Variants in RYR2 observed in about 807,000 individuals in gnomAD.
The protein encoded by RYR2 is cardiac muscle ryanodine receptor-calcium release channel.
RYR2 carries 227 observed loss-of-function variants against 601.1 expected under a neutral mutation model. The observed-to-expected ratio is 0.38, with a 90% CI of 0.34 to 0.42. The LOEUF is 0.42. Ranked by LOEUF, RYR2 falls within the 10% of genes least tolerant of loss-of-function variation. RYR2 has a pLI of 1.00. For missense variants in RYR2, 4,646 were observed against 6,156.5 expected (o/e 0.75, Z 8.21); for synonymous variants, 2,223 against 2,175.1 (o/e 1.02, Z -0.61).
chr1:237,493,899 A>C (rs533263246), intron 19 of RYR2, among the ~76,000 whole-genome samples: 1 of 152,308 alleles, frequency 6.6e-6, no homozygotes, highest in African/African-American at 2.4e-5. Context: ...ACCATGTGCC[A>C]GCTGTGGCGC....
intron 50 of RYR2, among the ~76,000 whole-genome samples, chr1:237,650,431 G>A (rs1196017226): frequency 1.3e-5 from 2 of 152,146 alleles, no homozygotes; most frequent in Admixed American, 6.5e-5. Flanking sequence ...CTCCCCTTTT[G>A]ACTGTGTTTG....
At chr1:237,348,016 G>A (rs1465960024) in intron 3 of RYR2, among the ~76,000 whole-genome samples, 1 of 152,114 alleles carries the variant, frequency 6.6e-6, no homozygotes, top group Non-Finnish European at 1.5e-5. Context: ...TAAGGCAGAG[G>A]AGCCTGCAAA....
chr1:237,054,628 CT>C (rs1661746695), intron 1 of RYR2, among the ~76,000 whole-genome samples: 1 of 152,128 alleles, frequency 6.6e-6, no homozygotes, highest in African/African-American at 2.4e-5. Flanking sequence ...GCTGATATCT[CT>C]GTATGTCCTT....
intron 17 of RYR2, among the ~76,000 whole-genome samples, chr1:237,477,569 C>T (rs1280887616): frequency 6.6e-6 from 1 of 152,196 alleles, no homozygotes; most frequent in East Asian, 1.9e-4. Context: ...ATTGTCTGGT[C>T]TGATTGCATC....
chr1:237,345,305 G>A (rs1018876490), intron 3 of RYR2, among the ~76,000 whole-genome samples: 2 of 151,856 alleles, frequency 1.3e-5, no homozygotes, highest in African/African-American at 4.8e-5. Context: ...ATTCCTCTGT[G>A]TACCTGCCAG....
intron 24 of RYR2, among the ~76,000 whole-genome samples, chr1:237,513,180 A>G (rs1187262141): frequency 2.6e-5 from 4 of 152,204 alleles, no homozygotes; most frequent in African/African-American, 9.6e-5. Context: ...TGCAGACGGA[A>G]TAATGGGACT....
At chr1:237,596,747 C>G (rs1675934801) in intron 34 of RYR2, among the ~76,000 whole-genome samples, 1 of 152,084 alleles carries the variant, frequency 6.6e-6, no homozygotes, top group African/African-American at 2.4e-5. Flanking sequence ...AAAAAGAATC[C>G]TAAGAGTAAT....
chr1:237,638,582 AG>A, intron 45 of RYR2, 90 bp downstream of exon 45: 1 of 1,348,714 alleles, frequency 7.4e-7, no homozygotes, highest in African/African-American at 1.5e-5. Flanking sequence ...TCATGAAGGA[AG>A]TATTAGTAAA....
At chr1:237,118,608 G>T (rs1275432901) in intron 1 of RYR2, among the ~76,000 whole-genome samples, 2 of 151,908 alleles carry the variant, frequency 1.3e-5, no homozygotes, top group African/African-American at 4.8e-5. Context: ...TTGTTTGTTT[G>T]TTTGTTCTTT....
intron 29 of RYR2, among the ~76,000 whole-genome samples, chr1:237,573,672 C>T (rs1327092161): frequency 6.6e-6 from 1 of 151,092 alleles, no homozygotes; most frequent in African/African-American, 2.4e-5. Flanking sequence ...ATTAGCCCAG[C>T]GTGGTGGCGG....
At chr1:237,504,724 A>G (rs952622941) in intron 22 of RYR2, among the ~76,000 whole-genome samples, 1 of 152,228 alleles carries the variant, frequency 6.6e-6, no homozygotes, top group Non-Finnish European at 1.5e-5. Context: ...TTGAAGTAAT[A>G]TCATACAGAT....
intron 2 of RYR2, among the ~76,000 whole-genome samples, chr1:237,278,466 T>G (rs1433180768): frequency 6.6e-6 from 1 of 152,036 alleles, no homozygotes; most frequent in Non-Finnish European, 1.5e-5. Flanking sequence ...AAAGAATATG[T>G]GCTCAGTCCC....
chr1:237,411,404 C>T (rs896700830), intron 10 of RYR2, among the ~76,000 whole-genome samples: 10 of 151,950 alleles, frequency 6.6e-5, no homozygotes, highest in Non-Finnish European at 1.3e-4. Flanking sequence ...TACGTTGTCC[C>T]GAGCGATTTT....
chr1:237,422,958 A>G lies in RYR2; in HGVS notation c.849-134A>G, dbSNP rs999610411. On this transcript the variant is annotated intron_variant, in intron 11 of 104. Coordinates refer to ENST00000366574, the MANE Select transcript of RYR2 (RefSeq NM_001035.3). ...TTGTTATTTGTGAAATGAAATTAAT[A>G]TCACTAATATCCTAAGTTTTTTGAG... The G allele has an allele frequency of 3.2e-4, 316 of 975,732 alleles. 1 individual carries two copies. Among genetic ancestry groups the G allele is most frequent in the Non-Finnish European group, 3.1e-4 (210 of 674,790 alleles). The allele number at this position is 975,732 out of a possible 1,614,324, so 60.4% of individuals were successfully genotyped here.
intron 1 of RYR2, among the ~76,000 whole-genome samples, chr1:237,165,166 C>G (rs1676555817): frequency 6.6e-6 from 1 of 151,932 alleles, no homozygotes; most frequent in South Asian, 2.1e-4. Flanking sequence ...CTATGTTGCC[C>G]AGGCTTGCAT....
intron 91 of RYR2, among the ~76,000 whole-genome samples, chr1:237,787,315 C>T (rs535519580): frequency 2.6e-5 from 4 of 152,004 alleles, no homozygotes; most frequent in East Asian, 1.9e-4. Context: ...ATAGGCTGGG[C>T]GTGGTGGCTC....
chr1:237,059,380 G>C (rs2148223887), intron 1 of RYR2, among the ~76,000 whole-genome samples: 1 of 152,202 alleles, frequency 6.6e-6, no homozygotes, highest in East Asian at 1.9e-4. Context: ...GCATAAGAGA[G>C]GAGATGAGTA....
chr1:237,060,795 G>C (rs1217666767), intron 1 of RYR2, among the ~76,000 whole-genome samples: 1 of 152,006 alleles, frequency 6.6e-6, no homozygotes, highest in African/African-American at 2.4e-5. Context: ...ATAGACAATG[G>C]GTTGTTTCTG....
In RYR2 at chr1:237,674,751, T is replaced by A. The variant is rs1685250945; in HGVS notation, c.8735T>A (p.Leu2912Gln). The A allele has an allele frequency of 6.2e-7, 1 of 1,611,448 alleles. No individual in the cohort carries two copies. The highest frequency in any genetic ancestry group is 8.5e-7 in the Non-Finnish European group (1 of 1,177,912). Residue 2912 changes from leucine to glutamine, a missense_variant, in exon 60 of 105, where the codon CTG becomes CAG. By Grantham distance (113) the Leu-to-Gln change is moderately radical. Transcript: ENST00000366574. ...TCCAGAGGATTTAAGGACCTGGAAC[T>A]GGACACGCCTTCTATTGAGAAACGA... ...AVSRGFKDLE[L>Q]DTPSIEKRFA... is the part of the protein sequence containing the mutation.
Sources: allele counts gnomAD v4.1 joint callset (sites outside exome capture counted in the v4.1 genomes callset), GRCh38; gene constraint gnomAD v4.1.1; transcripts MANE v1.5; gene names NCBI Gene and HGNC (gene_info 2026-07-23, HGNC 2026-07-21).